The following EML4 variants were observed in gnomAD, a reference collection of about 807,000 sequenced individuals.
The protein encoded by EML4 is EMAP like 4, also known as echinoderm microtubule-associated protein-like 4.
Under a neutral mutation model 129.0 loss-of-function variants are expected in EML4, and 72 were observed. The ratio of observed to expected loss-of-function variants is 0.56; its 90% CI spans 0.46 to 0.68. The LOEUF (loss-of-function observed/expected upper bound fraction) is 0.68, where lower values mean the gene tolerates loss of function less well. Among genes scored for constraint, EML4 ranks in the 30% least tolerant of loss-of-function variants. The pLI is 0.00. For missense variants in EML4, 1,363 were observed against 1,190.6 expected (o/e 1.14, Z -2.13); for synonymous variants, 532 against 405.0 (o/e 1.31, Z -3.77).
intron 1 of EML4, among the ~76,000 whole-genome samples, chr2:42,189,863 AATTTT>A (rs1367207770): frequency 1.3e-5 from 2 of 152,002 alleles, no homozygotes; most frequent in Non-Finnish European, 2.9e-5. Flanking sequence ...TCAATCACAA[AATTTT>A]ATTTAATTAT....
intron 4 of EML4, among the ~76,000 whole-genome samples, chr2:42,262,201 C>T (rs1245058642): frequency 1.3e-5 from 2 of 152,058 alleles, no homozygotes; most frequent in African/African-American, 4.8e-5. Flanking sequence ...TATTTTGCCT[C>T]AAATCGCTAA....
intron 1 of EML4, among the ~76,000 whole-genome samples, chr2:42,210,603 T>C (rs1672833489): frequency 6.6e-6 from 1 of 152,222 alleles, no homozygotes; most frequent in South Asian, 2.1e-4. Flanking sequence ...ACAGTATATT[T>C]ACATTTATTT....
chr2:42,264,797 A>G, intron 6 of EML4, 66 bp downstream of exon 6: 2 of 1,425,324 alleles, frequency 1.4e-6, no homozygotes, highest in Non-Finnish European at 1.9e-6. Flanking sequence ...CTAATTGAAA[A>G]GAATATTTTC....
intron 2 of EML4, 114 bp downstream of exon 2, chr2:42,245,801 G>C: frequency 9.9e-7 from 1 of 1,014,592 alleles, no homozygotes; most frequent in South Asian, 2.4e-5. Context: ...ATTATAGTTT[G>C]TTTTCCATTT....
chr2:42,237,930 T>C (rs555682084), intron 1 of EML4, among the ~76,000 whole-genome samples: 31 of 152,184 alleles, frequency 2.0e-4, no homozygotes, highest in Non-Finnish European at 4.1e-4. Context: ...TGATTACTTA[T>C]TGGTAGCATA....
At chr2:42,174,857 G>A (rs548087843) in intron 1 of EML4, among the ~76,000 whole-genome samples, 15 of 151,470 alleles carry the variant, frequency 9.9e-5, no homozygotes, top group African/African-American at 3.4e-4. Flanking sequence ...TTGCTCTGTT[G>A]CCCAGGCTGG....
rs145171095 is a variant in EML4 at position 42,169,606 on chromosome 2, C to G, written c.-6C>G. On this transcript the variant is annotated 5_prime_UTR_variant, in exon 1 of 23. Coordinates refer to ENST00000318522, the MANE Select transcript of EML4 (RefSeq NM_019063.5). ...TAAGCCCGGAGCCCGGCGCTTTCCC[C>G]GCAAGATGGACGGTTTCGCCGGCAG... 5.3e-4 allele frequency: 844 copies of G among 1,598,962 alleles called. 4 individuals carry two copies. In the African/African-American group the frequency reaches 8.5e-3, roughly 16 times the overall value.
chr2:42,263,398 C>CTT (rs67401314), intron 5 of EML4, 92 bp downstream of exon 5: 2,625 of 240,248 alleles, frequency 0.011, 2 homozygotes, highest in Admixed American at 0.019. Flanking sequence ...TGGTTTGAAT[C>CTT]TTTTTTTTTT....
intron 1 of EML4, among the ~76,000 whole-genome samples, chr2:42,233,157 T>G (rs1164899362): frequency 1.3e-5 from 2 of 152,234 alleles, no homozygotes; most frequent in Admixed American, 1.3e-4. Context: ...TGGTTTAGGT[T>G]TCATCCCTTC....
rs940968041 is a variant in EML4, at chr2:42,202,925, G to C, written c.25+33289G>C. Among the ~76,000 whole-genome samples the C allele has an allele frequency of 7.9e-5, 12 of 152,146 alleles. 1 individual carries two copies. The highest frequency in any genetic ancestry group is 3.3e-4 in the Admixed American group (5 of 15,284). ...TGCCTGTAGTCCTAGTTGCTTAGGAGGCTAAGACCTGAGGATTCCTTGAGC... is the reference window on the plus strand; with the variant it reads ...TGCCTGTAGTCCTAGTTGCTTAGGACGCTAAGACCTGAGGATTCCTTGAGC... On this transcript the variant is annotated intron_variant, in intron 1 of 22. Transcript: ENST00000318522.
intron 1 of EML4, among the ~76,000 whole-genome samples, chr2:42,241,695 T>C (rs1675044091): frequency 1.3e-5 from 2 of 152,210 alleles, no homozygotes. Context: ...TGTTTGGTCC[T>C]CATGTGATTA....
intron 4 of EML4, among the ~76,000 whole-genome samples, chr2:42,262,459 C>A (rs1299419152): frequency 6.6e-6 from 1 of 152,094 alleles, no homozygotes; most frequent in African/African-American, 2.4e-5. Context: ...TTGATATCTT[C>A]TTTGTCCCAG....
Position 42,306,208 on chromosome 2 carries a change from A to G in EML4, c.1967+1657A>G, listed in dbSNP as rs932910510. 7.2e-5 allele frequency among the ~76,000 whole-genome samples: 11 copies of G among 152,312 alleles called. No individual in the cohort carries two copies. The South Asian group carries it at 1.4e-3, about 20-fold the overall frequency. ...AGCACTTAGACTTGGACATTTGTCC[A>G]TTTGGACCGAGTTTGGTCCATTCTC... On this transcript the variant is annotated intron_variant, in intron 17 of 22. Transcript: ENST00000318522.
chr2:42,250,211 T>C (rs1675672402), intron 2 of EML4, among the ~76,000 whole-genome samples: 1 of 152,188 alleles, frequency 6.6e-6, no homozygotes, highest in African/African-American at 2.4e-5. Context: ...GTGTGAAGCA[T>C]TGTAATTGCC....
chr2:42,282,147 A>AC (rs998051789), intron 7 of EML4, among the ~76,000 whole-genome samples: 9 of 138,256 alleles, frequency 6.5e-5, no homozygotes, highest in South Asian at 4.6e-4. Context: ...TCTTTTTTTT[A>AC]CCCCCCCACG....
At chr2:42,252,811 G>A (rs538407740) in intron 2 of EML4, among the ~76,000 whole-genome samples, 10 of 152,124 alleles carry the variant, frequency 6.6e-5, no homozygotes, top group African/African-American at 2.4e-4. Context: ...TTTCAAGGAA[G>A]CCTTTCTTGA....
chr2:42,224,476 A>C (rs1199724215), intron 1 of EML4, among the ~76,000 whole-genome samples: 2 of 152,086 alleles, frequency 1.3e-5, no homozygotes, highest in Admixed American at 1.3e-4. Context: ...GGTTATTTCT[A>C]CTTTTTGGCT....
At chr2:42,270,445 C>G (rs1293046435) in intron 6 of EML4, among the ~76,000 whole-genome samples, 2 of 152,166 alleles carry the variant, frequency 1.3e-5, no homozygotes, top group African/African-American at 4.8e-5. Flanking sequence ...GTAGTCCCAG[C>G]TACTTGGGAG....
intron 16 of EML4, 140 bp from the exon 17 acceptor site, chr2:42,304,344 G>T: frequency 3.0e-6 from 2 of 656,492 alleles, no homozygotes; most frequent in Non-Finnish European, 5.5e-6. Flanking sequence ...TCTCATATCT[G>T]TGTGGTATTT....
Sources: allele counts gnomAD v4.1 joint callset (sites outside exome capture counted in the v4.1 genomes callset), GRCh38; gene constraint gnomAD v4.1.1; transcripts MANE v1.5; gene names NCBI Gene and HGNC (gene_info 2026-07-23, HGNC 2026-07-21).